The following LRIF1 variants were observed in gnomAD, a reference collection of about 807,000 sequenced individuals.
LRIF1 encodes the protein ligand-dependent nuclear receptor-interacting factor 1.
In LRIF1, 32 loss-of-function variants were observed where a neutral mutation model predicts 52.7. The ratio of observed to expected loss-of-function variants is 0.61; its 90% CI spans 0.46 to 0.82. The LOEUF (loss-of-function observed/expected upper bound fraction) is 0.82. Among genes scored for constraint, LRIF1 ranks in the 40% least tolerant of loss-of-function variants. The pLI is 0.00. For missense variants in LRIF1, 887 were observed against 892.0 expected (o/e 0.99, Z 0.07); for synonymous variants, 323 against 317.4 (o/e 1.02, Z -0.19).
chr1:110,888,436 C>A, the LRIF1 span, among the ~76,000 whole-genome samples: 16 of 152,184 alleles, frequency 1.1e-4, no homozygotes, highest in Admixed American at 2.6e-4. Context: ...TAAGCTGAGG[C>A]AATCACAGGG....
At position 110,963,812 on chromosome 1, in the gene LRIF1, G is replaced by A. The variant is rs1319236023; in HGVS notation, c.-124C>T. ...GGAGTTGCCCACAGCAACTGTGAGG[G>A]GTTCGACCTTAACGGAGGGCGACAG... On this transcript the variant is annotated 5_prime_UTR_variant, in exon 1 of 4. Coordinates refer to ENST00000369763, the MANE Select transcript of LRIF1 (RefSeq NM_018372.4). 70 of 710,620 alleles carry A rather than the reference G, an allele frequency of 9.9e-5. 1 individual carries two copies. In the Admixed American group the frequency reaches 1.6e-3, roughly 16 times the overall value. The allele number at this position is 710,620 out of a possible 1,614,324, so 44.0% of individuals were successfully genotyped here. A position where few individuals can be genotyped will look rare whatever the true frequency, so the allele number is the denominator to read the frequency against.
rs753147896 is a variant in LRIF1, at chr1:110,951,934, A to G, written c.950T>C (p.Ile317Thr). ...TTTCCTATCTACAAAAGTTTTTAAAATCTTTGAAGCCACATTATTTGAAGA... is the reference window on the plus strand; with the variant it reads ...TTTCCTATCTACAAAAGTTTTTAAAGTCTTTGAAGCCACATTATTTGAAGA... The part of the protein sequence containing the change: ...VKSSNNVASK[I>T]LKTFVDRKNL... The change falls in exon 2 of 4, where the codon ATT becomes ACT. Residue 317 changes from isoleucine to threonine, a missense_variant. Physicochemically the swap from Ile to Thr is moderately conservative, Grantham distance 89. Transcript: ENST00000369763. The G allele has an allele frequency of 6.2e-7, 1 of 1,613,990 alleles. No homozygotes were observed. Among genetic ancestry groups the G allele is most frequent in the African/African-American group, 1.3e-5 (1 of 75,000 alleles).
At chr1:110,963,500 T>G in intron 1 of LRIF1, 121 bp downstream of exon 1, 2 of 722,360 alleles carry the variant, frequency 2.8e-6, no homozygotes, top group Non-Finnish European at 4.5e-6. Context: ...CCCGCCTGGG[T>G]GGCGCACTCT....
chr1:110,951,249 T>A, intron 2 of LRIF1, 39 bp downstream of exon 2: 1 of 1,507,186 alleles, frequency 6.6e-7, no homozygotes, highest in Non-Finnish European at 9.0e-7. Flanking sequence ...CTTTTCTATA[T>A]AGATATATAA....
the LRIF1 span, chr1:110,939,175 G>A: frequency 2.0e-5 from 3 of 151,942 alleles, no homozygotes; most frequent in Non-Finnish European, 2.9e-5. Context: ...TCAGGAGATC[G>A]AGACCATCTT....
In LRIF1 at chr1:110,952,637, G is replaced by T. The variant is rs1370831359; in HGVS notation, c.247C>A (p.Gln83Lys). Residue 83 changes from glutamine (Q) to lysine (K), a missense_variant, in exon 2 of 4, where the codon CAG (glutamine) becomes AAG (lysine). Coordinates refer to ENST00000369763, the MANE Select transcript of LRIF1 (RefSeq NM_018372.4). ...GCACTTGTGGAAGAGCTGGAAATCTGAGTCTGAAAAGTAACTTGAACTGGT... is the reference window on the plus strand; with the variant it reads ...GCACTTGTGGAAGAGCTGGAAATCTTAGTCTGAAAAGTAACTTGAACTGGT... ...GKPVQVTFQT[Q>K]ISSSSTSASV... The T allele has an allele frequency of 6.2e-7, 1 of 1,613,970 alleles. No individual in the cohort carries two copies. The highest frequency in any genetic ancestry group is 8.5e-7 in the Non-Finnish European group (1 of 1,179,962).
Position 110,950,107 on chromosome 1 carries a change from G to A in LRIF1, c.1613C>T (p.Ala538Val), listed in dbSNP as rs1275300513. Residue 538 changes from alanine (A) to valine (V), a missense_variant, in exon 3 of 4, where the codon GCA becomes GTA. Physicochemically the swap from Ala to Val is moderately conservative, Grantham distance 64 (BLOSUM62 0). Coordinates refer to ENST00000369763, the MANE Select transcript of LRIF1 (RefSeq NM_018372.4). ...TTGGGCACCTTTATCTGATGTTGAT[G>A]CCATCTCATTATGGATCTGGAATTA... ...DQEPKIHNEM[A>V]STSDKGAQGR... is the part of the protein sequence containing the mutation. 6.2e-7 allele frequency: 1 copy of A among 1,612,316 alleles called. No homozygotes were observed. Among genetic ancestry groups the A allele is most frequent in the Non-Finnish European group, 8.5e-7 (1 of 1,179,188 alleles).
At chr1:110,927,871 A>G in the LRIF1 span, among the ~76,000 whole-genome samples, 1 of 152,214 alleles carries the variant, frequency 6.6e-6, no homozygotes, top group Non-Finnish European at 1.5e-5. Flanking sequence ...GTTATAGTAC[A>G]TATTTTAAAA....
chr1:110,890,942 T>C, the LRIF1 span, among the ~76,000 whole-genome samples: 1 of 152,376 alleles, frequency 6.6e-6, no homozygotes, highest in South Asian at 2.1e-4. Context: ...TGATCAAATG[T>C]AGCATGTACA....
chr1:110,935,397 AT>A, the LRIF1 span, among the ~76,000 whole-genome samples: 1 of 152,232 alleles, frequency 6.6e-6, no homozygotes, highest in African/African-American at 2.4e-5. Flanking sequence ...CAGACACAGA[AT>A]TTAAAATAGC....
chr1:110,946,733 C>T (rs1438131418), downstream of LRIF1, among the ~76,000 whole-genome samples: 2 of 143,544 alleles, frequency 1.4e-5, no homozygotes, highest in African/African-American at 5.2e-5. Context: ...AATCTTGGCT[C>T]ACTGCAACTT....
chr1:110,897,594 T>C, the LRIF1 span: 11 of 425,224 alleles, frequency 2.6e-5, no homozygotes, highest in South Asian at 4.0e-4. Flanking sequence ...CTACATTAGT[T>C]ACCACTGTAA....
intron 1 of LRIF1, among the ~76,000 whole-genome samples, chr1:110,962,170 A>G (rs1658986346): frequency 6.6e-6 from 1 of 152,052 alleles, no homozygotes; most frequent in Admixed American, 6.5e-5. Flanking sequence ...AATTAAGCTA[A>G]GTCAGAAGTC....
At chr1:110,893,550 G>A in the LRIF1 span, among the ~76,000 whole-genome samples, 26 of 152,322 alleles carry the variant, frequency 1.7e-4, no homozygotes, top group East Asian at 4.4e-3. Flanking sequence ...TCTAACTCCC[G>A]ACTTTAGGTG....
the LRIF1 span, among the ~76,000 whole-genome samples, chr1:110,924,471 C>T: frequency 2.0e-5 from 3 of 152,144 alleles, no homozygotes; most frequent in Non-Finnish European, 4.4e-5. Flanking sequence ...AAAGAGGCAG[C>T]AAGGTACCTT....
chr1:110,948,160 T>C lies in LRIF1; in HGVS notation c.2109A>G (p.Gln703=). 6.2e-7 allele frequency: 1 copy of C among 1,614,162 alleles called. No individual in the cohort carries two copies. Among genetic ancestry groups the C allele is most frequent in the Non-Finnish European group, 8.5e-7 (1 of 1,180,008 alleles). ...TEMEYYTHEK[Q]EKGTLNSNAA... The stretch of plus-strand genomic sequence containing the variant: ...CATTTGAATTCAAAGTGCCTTTCTC[T>C]TGCTTCTCATGGGTATAGTATTCCA... Residue 703 remains glutamine (Q), a synonymous_variant, in exon 4 of 4, where the codon CAA becomes CAG. Coordinates refer to ENST00000369763, the MANE Select transcript of LRIF1 (RefSeq NM_018372.4).
intron 1 of LRIF1, among the ~76,000 whole-genome samples, chr1:110,961,390 C>T (rs988373185): frequency 1.3e-5 from 2 of 152,218 alleles, no homozygotes; most frequent in African/African-American, 4.8e-5. Context: ...GAACCCAAGT[C>T]TCTATGACTT....
the LRIF1 span, among the ~76,000 whole-genome samples, chr1:110,886,869 A>ATATATATATATATATATAT: frequency 3.6e-5 from 3 of 82,796 alleles, no homozygotes; most frequent in Non-Finnish European, 6.7e-5. Context: ...ATATATATAT[A>ATATATATATATATATATAT]TTTTTTTTTT....
intron 1 of LRIF1, among the ~76,000 whole-genome samples, chr1:110,961,380 G>A (rs548287924): frequency 9.8e-5 from 15 of 152,338 alleles, no homozygotes; most frequent in African/African-American, 3.6e-4. Flanking sequence ...GCTAGGATAT[G>A]AACCCAAGTC....
Sources: gnomAD v4.1 joint callset for allele counts (sites outside exome capture counted in the v4.1 genomes callset) on GRCh38, gnomAD v4.1.1 for gene constraint, MANE v1.5 for transcripts, NCBI Gene and HGNC (gene_info 2026-07-23, HGNC 2026-07-21) for gene names.